CCDC178: variants seen among roughly 807,000 people sequenced by gnomAD.
CCDC178 encodes the protein coiled-coil domain containing 178, also known as coiled-coil domain-containing protein 178.
CCDC178 carries 126 observed loss-of-function variants against 117.4 expected under a neutral mutation model. The observed-to-expected ratio is 1.07, with a 90% CI of 0.93 to 1.24. CCDC178 has a LOEUF of 1.24. CCDC178 is among the 50% of genes most tolerant of loss of function. CCDC178 has a pLI of 0.00. For missense variants in CCDC178, 1,030 were observed against 986.9 expected (o/e 1.04, Z -0.59); for synonymous variants, 283 against 313.4 (o/e 0.90, Z 1.02).
intron 14 of CCDC178, among the ~76,000 whole-genome samples, chr18:33,264,801 A>G (rs568643744): frequency 5.3e-5 from 8 of 152,224 alleles, no homozygotes; most frequent in Admixed American, 6.5e-5. Context: ...AAGCTACAAG[A>G]GCCATTGAGT....
chr18:33,405,272 T>A (rs1188128190), intron 3 of CCDC178, among the ~76,000 whole-genome samples: 1 of 151,712 alleles, frequency 6.6e-6, no homozygotes, highest in Non-Finnish European at 1.5e-5. Context: ...ATAATTTAAA[T>A]TTTAAAATTA....
At chr18:32,965,313 T>C (rs1029816215) in intron 22 of CCDC178, among the ~76,000 whole-genome samples, 2 of 151,910 alleles carry the variant, frequency 1.3e-5, no homozygotes, top group Admixed American at 6.6e-5. Context: ...AACTGAAATA[T>C]AGACTACTGA....
At chr18:33,418,550 C>T (rs1043493295) in intron 2 of CCDC178, among the ~76,000 whole-genome samples, 1 of 151,750 alleles carries the variant, frequency 6.6e-6, no homozygotes, top group Admixed American at 6.6e-5. Flanking sequence ...CTAAAGTATC[C>T]TTGTTTGCAG....
intron 21 of CCDC178, among the ~76,000 whole-genome samples, chr18:33,005,989 T>C (rs1432306535): frequency 2.6e-5 from 4 of 152,084 alleles, no homozygotes; most frequent in African/African-American, 4.8e-5. Context: ...TAGAAAGTTA[T>C]GTTTAAAAAG....
chr18:32,980,163 GA>G (rs11296246), intron 21 of CCDC178, among the ~76,000 whole-genome samples: 151,961 of 152,268 alleles, frequency 1, 75,828 homozygotes, highest in Middle Eastern at 1. Context: ...ACTTCTAATG[GA>G]AAAAAAATTG....
At chr18:33,367,450 C>A (rs1354162616) in intron 6 of CCDC178, among the ~76,000 whole-genome samples, 3 of 151,974 alleles carry the variant, frequency 2.0e-5, no homozygotes, top group Non-Finnish European at 2.9e-5. Flanking sequence ...TCAAAGAGTT[C>A]TTTCCAGTTG....
At chr18:33,113,724 A>G (rs1819855962) in intron 20 of CCDC178, among the ~76,000 whole-genome samples, 1 of 152,088 alleles carries the variant, frequency 6.6e-6, no homozygotes, top group South Asian at 2.1e-4. Flanking sequence ...TTACTCCCTC[A>G]GAAACATCTG....
At chr18:33,282,147 A>G (rs2060033464) in intron 12 of CCDC178, among the ~76,000 whole-genome samples, 1 of 152,142 alleles carries the variant, frequency 6.6e-6, no homozygotes, top group Admixed American at 6.5e-5. Flanking sequence ...GTTCCGGAGG[A>G]ATAGGTGAGT....
chr18:33,275,954 T>C (rs1341619853), intron 12 of CCDC178, among the ~76,000 whole-genome samples: 1 of 151,812 alleles, frequency 6.6e-6, no homozygotes, highest in Non-Finnish European at 1.5e-5. Flanking sequence ...CCACAATATA[T>C]TTTTAAGTAA....
intron 21 of CCDC178, among the ~76,000 whole-genome samples, chr18:33,032,121 T>C (rs2056356391): frequency 1.3e-5 from 2 of 152,160 alleles, no homozygotes; most frequent in African/African-American, 4.8e-5. Context: ...AGGCATAATG[T>C]AGGCCTCTGG....
rs1309554505 is a variant in CCDC178 at position 33,227,579 on chromosome 18, TAC to T, written c.1594-726_1594-725del. 6.4e-3 allele frequency among the ~76,000 whole-genome samples: 431 copies of T among 67,586 alleles called. 2 individuals are homozygous for T. The highest frequency in any genetic ancestry group is 0.028 in the Middle Eastern group (3 of 108). The allele number at this position is 67,586 out of a possible 152,430, so 44.3% of individuals were successfully genotyped here. A position where few individuals can be genotyped will look rare whatever the true frequency, so the allele number is the denominator to read the frequency against. ...GTGTATATATATATATATATATATA[TAC>T]ACACACACACACACACATAGTTTTG... On this transcript the variant is annotated intron_variant, in intron 15 of 22. Coordinates refer to ENST00000383096, the MANE Select transcript of CCDC178 (RefSeq NM_001105528.4).
intron 20 of CCDC178, among the ~76,000 whole-genome samples, chr18:33,193,328 G>A (rs2058886237): frequency 6.6e-6 from 1 of 150,516 alleles, no homozygotes; most frequent in Non-Finnish European, 1.5e-5. Flanking sequence ...GGAAGCCTTT[G>A]AGGGGGCAGC....
chr18:32,999,559 C>A (rs193199425), intron 21 of CCDC178, among the ~76,000 whole-genome samples: 1 of 152,252 alleles, frequency 6.6e-6, no homozygotes, highest in Admixed American at 6.5e-5. Flanking sequence ...GGCTTCAGGT[C>A]TGACCCAGTG....
At chr18:33,103,104 T>C (rs556759130) in intron 20 of CCDC178, among the ~76,000 whole-genome samples, 1 of 151,784 alleles carries the variant, frequency 6.6e-6, no homozygotes, top group African/African-American at 2.4e-5. Flanking sequence ...TACCTGAGAC[T>C]GGGAAGAAAA....
intron 21 of CCDC178, among the ~76,000 whole-genome samples, chr18:33,072,320 T>C (rs2057123581): frequency 6.6e-6 from 1 of 152,122 alleles, no homozygotes; most frequent in Non-Finnish European, 1.5e-5. Context: ...TGAAATCTCT[T>C]AGGAATAAAA....
chr18:32,947,480 T>C (rs755083025), intron 22 of CCDC178, among the ~76,000 whole-genome samples: 3 of 152,228 alleles, frequency 2.0e-5, no homozygotes, highest in Non-Finnish European at 4.4e-5. Context: ...TTGCATCTAC[T>C]TATTTGCCAT....
At chr18:33,135,253 G>A (rs2058111081) in intron 20 of CCDC178, among the ~76,000 whole-genome samples, 1 of 151,954 alleles carries the variant, frequency 6.6e-6, no homozygotes, top group Admixed American at 6.6e-5. Context: ...CATAGGTAAT[G>A]TTAAATTTAA....
At chr18:33,162,006 A>G (rs2144385483) in intron 20 of CCDC178, among the ~76,000 whole-genome samples, 1 of 152,340 alleles carries the variant, frequency 6.6e-6, no homozygotes, top group East Asian at 1.9e-4. Flanking sequence ...TGACTTCCAC[A>G]ATGGTTGAAC....
chr18:33,347,882 C>T (rs761586295), intron 8 of CCDC178, among the ~76,000 whole-genome samples: 15 of 151,884 alleles, frequency 9.9e-5, no homozygotes, highest in Non-Finnish European at 1.8e-4. Flanking sequence ...AGTGCCATCT[C>T]AGTTTTGCAG....
Sources: gnomAD v4.1 joint callset for allele counts (sites outside exome capture counted in the v4.1 genomes callset) on GRCh38, gnomAD v4.1.1 for gene constraint, MANE v1.5 for transcripts, NCBI Gene and HGNC (gene_info 2026-07-23, HGNC 2026-07-21) for gene names.